SLC9A8: variants seen among roughly 807,000 people sequenced by gnomAD.
SLC9A8 encodes the protein sodium/hydrogen exchanger 8.
SLC9A8 carries 48 observed loss-of-function variants against 66.6 expected under a neutral mutation model. The observed-to-expected ratio is 0.72, with a 90% CI of 0.57 to 0.92. The LOEUF (loss-of-function observed/expected upper bound fraction) is 0.92, where lower values mean the gene tolerates loss of function less well. SLC9A8 is among the 40% of genes least tolerant of loss of function. The pLI, the probability that SLC9A8 is intolerant of heterozygous loss-of-function variation, is 0.00. For missense variants in SLC9A8, 599 were observed against 747.3 expected, an observed-to-expected ratio of 0.80 and a Z score of 2.31; for synonymous variants, 274 against 282.6, an observed-to-expected ratio of 0.97 and a Z score of 0.31.
intron 3 of SLC9A8, among the ~76,000 whole-genome samples, chr20:49,834,265 CTATA>C (rs1395445199): frequency 1.5e-5 from 2 of 137,896 alleles, no homozygotes; most frequent in African/African-American, 5.3e-5. Flanking sequence ...ACTATATGCA[CTATA>C]TATACACACA....
At chr20:49,879,179 A>T (rs2089538230) in intron 12 of SLC9A8, among the ~76,000 whole-genome samples, 1 of 152,128 alleles carries the variant, frequency 6.6e-6, no homozygotes, top group Non-Finnish European at 1.5e-5. Flanking sequence ...AAATGAAAGG[A>T]TGCCCTGGGG....
intron 10 of SLC9A8, among the ~76,000 whole-genome samples, chr20:49,869,692 G>A (rs1217566599): frequency 6.6e-6 from 1 of 151,948 alleles, no homozygotes; most frequent in Non-Finnish European, 1.5e-5. Flanking sequence ...TATTATCTGG[G>A]CATGGTGGCA....
intron 7 of SLC9A8, 69 bp from the exon 8 acceptor site, chr20:49,855,369 T>G (rs2088430923): frequency 6.7e-7 from 1 of 1,487,844 alleles, no homozygotes; most frequent in African/African-American, 1.4e-5. Context: ...GGCCTTTGAC[T>G]TTAATGCTTT....
In SLC9A8 at chr20:49,882,067, A is replaced by G. The variant is rs1056458373; in HGVS notation, c.1270+1032A>G. ...CTGGATCCTCAACGAGGGGCACTGAACAAGCCTCTGCTACCGGCCCCTCCC... is the reference window on the plus strand; with the variant it reads ...CTGGATCCTCAACGAGGGGCACTGAGCAAGCCTCTGCTACCGGCCCCTCCC... On this transcript the variant is annotated intron_variant, in intron 13 of 15. Transcript: ENST00000361573. 2.0e-5 allele frequency among the ~76,000 whole-genome samples: 3 copies of G among 152,240 alleles called. 1 individual carries two copies.
chr20:49,859,088 G>T (rs1159752346), intron 8 of SLC9A8, among the ~76,000 whole-genome samples: 1 of 152,060 alleles, frequency 6.6e-6, no homozygotes, highest in African/African-American at 2.4e-5. Context: ...CTGAGGCCAC[G>T]GTTGGATCTG....
rs970277612 is a variant in SLC9A8, at chr20:49,880,153, A to C, written c.1159-771A>C. On this transcript the variant is annotated intron_variant, in intron 12 of 15. Coordinates refer to ENST00000361573, the MANE Select transcript of SLC9A8 (RefSeq NM_015266.3). ...GTGGTGCATACCTGTAGTTCTAGCT[A>C]CTTGGGAGGTTAAGGTGGGAGGATC... is the stretch of plus-strand genomic sequence containing the variant. Among the ~76,000 whole-genome samples, 3 of 151,240 alleles carry C rather than the reference A, an allele frequency of 2.0e-5. No individual in the cohort carries two copies. The Admixed American group carries it at 2.0e-4, about 10-fold the overall frequency.
intron 2 of SLC9A8, among the ~76,000 whole-genome samples, chr20:49,819,812 G>T (rs1329279453): frequency 6.6e-6 from 1 of 152,110 alleles, no homozygotes; most frequent in African/African-American, 2.4e-5. Context: ...GGCCTTTTGT[G>T]TCTGGTTTCT....
Position 49,886,940 on chromosome 20 carries a change from C to T in SLC9A8, c.1638+42C>T, listed in dbSNP as rs1260007535. The T allele has an allele frequency of 5.0e-6, 8 of 1,585,220 alleles. No homozygotes were observed. The highest frequency in any genetic ancestry group is 6.0e-6 in the Non-Finnish European group (7 of 1,162,984). On this transcript the variant is annotated intron_variant, in intron 15 of 15. Coordinates refer to ENST00000361573, the MANE Select transcript of SLC9A8 (RefSeq NM_015266.3). This position sits in a 1 kb window ranked among gnomAD's most constrained non-coding sequence, Gnocchi z 4.8. ...GCCACACTTTCTGGGGGTCCCTTGCCTGCCTCCTTCAGGACCTGCGGTGGC... is the reference window on the plus strand; with the variant it reads ...GCCACACTTTCTGGGGGTCCCTTGCTTGCCTCCTTCAGGACCTGCGGTGGC...
intron 8 of SLC9A8, among the ~76,000 whole-genome samples, chr20:49,856,466 G>A (rs1396445873): frequency 5.3e-5 from 8 of 152,268 alleles, no homozygotes; most frequent in African/African-American, 4.8e-5. Context: ...TCAAATATTT[G>A]TTGGTATTAC....
chr20:49,847,185 C>T (rs1355754151), intron 5 of SLC9A8, among the ~76,000 whole-genome samples: 4 of 150,704 alleles, frequency 2.7e-5, no homozygotes, highest in African/African-American at 1.0e-4. Context: ...ACAAGTCTTA[C>T]AAACTGTTAG....
At position 49,812,889 on chromosome 20, in the gene SLC9A8, G is replaced by T; in HGVS notation, c.-34G>T. On this transcript the variant is annotated 5_prime_UTR_variant, in exon 1 of 16. Transcript: ENST00000361573. ...AAAAGCGGGTCCTGCTAGCCCCGCG[G>T]CTCCGAACTCGGTGGTCCTGGAAGC... 1 of 1,497,706 alleles carries T rather than the reference G, an allele frequency of 6.7e-7. No homozygotes were observed. The allele number at this position is 1,497,706 out of a possible 1,614,324, so 92.8% of individuals were successfully genotyped here. A position where few individuals can be genotyped will look rare whatever the true frequency, so the allele number is the denominator to read the frequency against.
chr20:49,846,637 G>C (rs774426437), intron 5 of SLC9A8, among the ~76,000 whole-genome samples: 9 of 151,934 alleles, frequency 5.9e-5, no homozygotes, highest in Non-Finnish European at 1.3e-4. Context: ...AATATGGTCG[G>C]GCCCAGTGGC....
chr20:49,817,737 A>G (rs565497710), intron 2 of SLC9A8, among the ~76,000 whole-genome samples: 31 of 152,348 alleles, frequency 2.0e-4, no homozygotes, highest in Non-Finnish European at 3.2e-4. Context: ...AAAAGTACAC[A>G]GACCAGAAGT....
intron 14 of SLC9A8, 133 bp downstream of exon 14, chr20:49,884,199 G>A (rs1447428993): frequency 3.5e-6 from 1 of 288,006 alleles, no homozygotes; most frequent in Non-Finnish European, 6.3e-6. Flanking sequence ...CCACACACAC[G>A]ACACACACAC....
chr20:49,887,809 G>T lies in SLC9A8; in HGVS notation c.1639-20G>T. The T allele has an allele frequency of 6.4e-7, 1 of 1,567,042 alleles. No individual in the cohort carries two copies. Among genetic ancestry groups the T allele is most frequent in the South Asian group, 1.2e-5 (1 of 85,620 alleles). On this transcript the variant is annotated intron_variant, in intron 15 of 15. Coordinates refer to ENST00000361573, the MANE Select transcript of SLC9A8 (RefSeq NM_015266.3). ...CCTGCCCCTGACGCCCTGACGGCTT[G>T]GTTGTGTCTCTCGACCCAGGACCTG...
intron 2 of SLC9A8, among the ~76,000 whole-genome samples, chr20:49,822,580 T>G (rs2086779979): frequency 1.3e-5 from 2 of 152,112 alleles, no homozygotes; most frequent in African/African-American, 4.8e-5. Flanking sequence ...AGCCCAAGAG[T>G]TGGAGACCAG....
intron 5 of SLC9A8, among the ~76,000 whole-genome samples, chr20:49,845,807 T>G (rs2087960975): frequency 6.6e-6 from 1 of 152,192 alleles, no homozygotes; most frequent in Non-Finnish European, 1.5e-5. Flanking sequence ...GCCATTGCCT[T>G]GCAACTCCCA....
chr20:49,830,764 G>A, intron 3 of SLC9A8: 1 of 792,516 alleles, frequency 1.3e-6, no homozygotes. Flanking sequence ...GTCCAAGGGA[G>A]CTTCATAGCC....
chr20:49,814,448 A>G (rs1030647135), intron 1 of SLC9A8, among the ~76,000 whole-genome samples: 1 of 152,210 alleles, frequency 6.6e-6, no homozygotes, highest in African/African-American at 2.4e-5. Context: ...CACAGTGTGA[A>G]AGAGCTGTGG....
Sources: allele counts gnomAD v4.1 joint callset (sites outside exome capture counted in the v4.1 genomes callset), GRCh38; gene constraint gnomAD v4.1.1; non-coding constraint Gnocchi (gnomAD v3.1); transcripts MANE v1.5; gene names NCBI Gene and HGNC (gene_info 2026-07-23, HGNC 2026-07-21).